The following SETD4 variants were observed in gnomAD, a reference collection of about 807,000 sequenced individuals.
SETD4 encodes the protein SET domain-containing protein 4.
In SETD4, 46 loss-of-function variants were observed where a neutral mutation model predicts 58.3. The ratio of observed to expected loss-of-function variants is 0.79; its 90% confidence interval spans 0.62 to 1.01. The LOEUF is 1.01. Among genes scored for constraint, SETD4 ranks in the 50% least tolerant of loss-of-function variants. The probability of loss-of-function intolerance (pLI) is 0.00; values close to 1 mark genes in which losing one functional copy is unlikely to be tolerated. For synonymous variants in SETD4, 190 were observed against 202.6 expected (o/e 0.94, Z 0.53); for missense variants, 490 against 523.3 (o/e 0.94, Z 0.62).
At chr21:36,057,475 T>C in intron 2 of SETD4, 2 of 588,610 alleles carry the variant, frequency 3.4e-6, no homozygotes, top group East Asian at 2.9e-5. Flanking sequence ...AAAGACCCCA[T>C]CTCTTAAAAA....
Position 36,049,511 on chromosome 21 carries a change from C to T in SETD4, c.208-1115G>A, listed in dbSNP as rs191483904. On this transcript the variant is annotated intron_variant, in intron 4 of 11. Coordinates refer to ENST00000332131, the MANE Select transcript of SETD4 (RefSeq NM_017438.5). Reference sequence around the variant, plus strand: ...CAGAGGTGGCAGTGAGCCGAGATTGCGCCACTGTACTCTAGCCTGGGCGAC... The same window carrying T: ...CAGAGGTGGCAGTGAGCCGAGATTGTGCCACTGTACTCTAGCCTGGGCGAC... 5.8e-3 allele frequency among the ~76,000 whole-genome samples: 883 copies of T among 152,198 alleles called. 6 individuals carry two copies. Among genetic ancestry groups the T allele is most frequent in the African/African-American group, 0.02 (827 of 41,514 alleles).
intron 7 of SETD4, 66 bp from the exon 8 acceptor site, chr21:36,041,954 C>T: frequency 1.2e-6 from 1 of 807,328 alleles, no homozygotes; most frequent in Non-Finnish European, 1.9e-6. Context: ...TCTCCCTTCC[C>T]TTCTCAACTC....
chr21:36,039,596 G>A (rs945287526), intron 9 of SETD4, among the ~76,000 whole-genome samples: 2 of 152,198 alleles, frequency 1.3e-5, no homozygotes, highest in African/African-American at 4.8e-5. Flanking sequence ...GAATGGGCCA[G>A]TGCGAAACCG....
intron 10 of SETD4, chr21:36,036,635 T>C (rs2063794040): frequency 1.0e-6 from 1 of 976,134 alleles, no homozygotes; most frequent in South Asian, 4.7e-5. Context: ...ATCCCAGGCA[T>C]GTTTTCATAC....
chr21:36,047,490 G>A (rs577064297), intron 5 of SETD4, among the ~76,000 whole-genome samples: 30 of 152,080 alleles, frequency 2.0e-4, no homozygotes, highest in Non-Finnish European at 4.0e-4. Flanking sequence ...TACAATAACG[G>A]TAGAAATAAG....
At position 36,041,903 on chromosome 21, in the gene SETD4, A is replaced by C. The variant is rs1001900887; in HGVS notation, c.902-15T>G. The C allele has an allele frequency of 1.5e-6, 2 of 1,375,898 alleles. No individual in the cohort carries two copies. The highest frequency in any genetic ancestry group is 2.5e-5 in the Admixed American group (1 of 39,718). 85.2% of individuals were successfully genotyped at this position (1,375,898 alleles called of 1,614,324 possible). ...AACAAGTATTTCTATATTCAAAAAA[A>C]AAAATCAGACTGTTAGGGCATAAAT... On this transcript the variant is annotated splice_polypyrimidine_tract_variant and intron_variant, in intron 7 of 11. Transcript: ENST00000332131.
At chr21:36,058,209 T>C (rs932208517) in intron 2 of SETD4, among the ~76,000 whole-genome samples, 2 of 152,108 alleles carry the variant, frequency 1.3e-5, no homozygotes, top group African/African-American at 2.4e-5. Context: ...TTAAGAAATA[T>C]TCTCTTTGGG....
chr21:36,044,118 C>G (rs983836264), intron 6 of SETD4, among the ~76,000 whole-genome samples, 162 bp from the exon 7 acceptor site: 2 of 152,216 alleles, frequency 1.3e-5, no homozygotes, highest in African/African-American at 4.8e-5. Flanking sequence ...TTTCATCCAC[C>G]TCGACTTCAC....
chr21:36,058,744 C>T lies in SETD4; in HGVS notation c.73+72G>A. On this transcript the variant is annotated intron_variant, in intron 2 of 11. Transcript: ENST00000332131. Reference sequence around the variant, plus strand: ...GAAAAAAGAAAGAAAGAAAGAAAAGCTACGTATGAACAAACAAGCAATCAC... The same window carrying T: ...GAAAAAAGAAAGAAAGAAAGAAAAGTTACGTATGAACAAACAAGCAATCAC... 2.0e-6 allele frequency: 3 copies of T among 1,469,444 alleles called. No individual in the cohort carries two copies. The South Asian group carries it at 4.0e-5, about 20-fold the overall frequency. The allele number at this position is 1,469,444 out of a possible 1,614,324, so 91.0% of individuals were successfully genotyped here.
Position 36,040,598 on chromosome 21 carries a change from C to A in SETD4, c.1041G>T (p.Leu347Phe). 1 of 1,613,880 alleles carries A rather than the reference C, an allele frequency of 6.2e-7. No homozygotes were observed. Among genetic ancestry groups the A allele is most frequent in the Non-Finnish European group, 8.5e-7 (1 of 1,179,862 alleles). ...PSWRLLTALK[L>F]LCLEAEKFTC... ...ACAATTTCTCAGCTTCCAGACATAA[C>A]AACTTAAGGGCTGTGAGTAGCCTCC... The change falls in exon 9 of 12, where the codon TTG becomes TTT. Residue 347 changes from leucine (L) to phenylalanine (F), a missense_variant. Transcript: ENST00000332131.
intron 7 of SETD4, 119 bp from the exon 8 acceptor site, chr21:36,042,007 C>T (rs1480739327): frequency 7.2e-6 from 4 of 555,090 alleles, no homozygotes; most frequent in Non-Finnish European, 1.3e-5. Context: ...TAAACAGTTC[C>T]ACCTAATTCA....
At chr21:36,047,834 C>CAAAAAAAAAAA (rs34827028) in intron 5 of SETD4, among the ~76,000 whole-genome samples, 42 of 70,700 alleles carry the variant, frequency 5.9e-4, no homozygotes, top group Admixed American at 9.2e-4. Context: ...ACTAAAAATA[C>CAAAAAAAAAAA]AAAAAAAAAA....
intron 4 of SETD4, among the ~76,000 whole-genome samples, chr21:36,051,929 G>A (rs535112106): frequency 4.0e-5 from 6 of 151,120 alleles, no homozygotes; most frequent in African/African-American, 1.5e-4. Flanking sequence ...TTTGTTTTTC[G>A]TTTTTTCCCT....
At chr21:36,042,547 A>G (rs1011255013) in intron 7 of SETD4, 3 of 152,130 alleles carry the variant, frequency 2.0e-5, no homozygotes, top group South Asian at 2.1e-4. Flanking sequence ...TTGCTTTTCT[A>G]TTTTTATTTT....
chr21:36,034,742 T>C lies in SETD4; in HGVS notation c.*1251A>G, dbSNP rs539220694. 1.3e-5 allele frequency: 2 copies of C among 152,312 alleles called. No homozygotes were observed. Among genetic ancestry groups the C allele is most frequent in the South Asian group, 2.1e-4 (1 of 4,826 alleles). 9.4% of individuals were successfully genotyped at this position (152,312 alleles called of 1,614,324 possible). On this transcript the variant is annotated 3_prime_UTR_variant, in exon 12 of 12. Coordinates refer to ENST00000332131, the MANE Select transcript of SETD4 (RefSeq NM_017438.5). Reference sequence around the variant, plus strand: ...ATGCAAATGGTTGACATGCTGCCGATGGCCGCTCTGCAGAATCGCTGGGAC... The same window carrying C: ...ATGCAAATGGTTGACATGCTGCCGACGGCCGCTCTGCAGAATCGCTGGGAC...
At chr21:36,048,751 C>G (rs1309101193) in intron 4 of SETD4, among the ~76,000 whole-genome samples, 1 of 137,576 alleles carries the variant, frequency 7.3e-6, no homozygotes, top group African/African-American at 2.8e-5. Context: ...GAGTTTTGCT[C>G]TTGTCTCCCA....
In SETD4 at chr21:36,048,459, T is replaced by C. The variant is rs551130544; in HGVS notation, c.208-63A>G. On this transcript the variant is annotated intron_variant, in intron 4 of 11. Transcript: ENST00000332131. ...TTTGGGAAGGACCCATGAGTATGAG[T>C]CTTACAAAGTCGTTGATCCCACAAT... is the stretch of plus-strand genomic sequence containing the variant. 2.7e-6 allele frequency: 4 copies of C among 1,456,142 alleles called. No homozygotes were observed. In the Admixed American group the frequency reaches 5.0e-5, roughly 18 times the overall value. 90.2% of individuals were successfully genotyped at this position (1,456,142 alleles called of 1,614,324 possible).
At position 36,045,867 on chromosome 21, in the gene SETD4, C is replaced by G. The variant is rs758942319; in HGVS notation, c.441G>C (p.Val147=). The change falls in exon 6 of 12, where the codon GTG becomes GTC. Residue 147 remains valine, a synonymous_variant. Transcript: ENST00000332131. ...TTAAAGATTTGGGAAGAAGGTTCACCACTTCCGGCTCCAAACAAACAGGGC... is the reference window on the plus strand; with the variant it reads ...TTAAAGATTTGGGAAGAAGGTTCACGACTTCCGGCTCCAAACAAACAGGGC... ...YTCPVCLEPE[V]VNLLPKSLKA... is the part of the protein sequence containing the mutation. 1 of 1,614,226 alleles carries G rather than the reference C, an allele frequency of 6.2e-7. No individual in the cohort carries two copies. Among genetic ancestry groups the G allele is most frequent in the Non-Finnish European group, 8.5e-7 (1 of 1,180,038 alleles).
intron 9 of SETD4, among the ~76,000 whole-genome samples, chr21:36,039,673 G>A (rs530894304): frequency 2.6e-5 from 4 of 152,300 alleles, no homozygotes; most frequent in African/African-American, 9.6e-5. Context: ...AGTGAACAAG[G>A]AAAAGAAGGA....
Sources: allele counts gnomAD v4.1 joint callset (sites outside exome capture counted in the v4.1 genomes callset), GRCh38; gene constraint gnomAD v4.1.1; transcripts MANE v1.5; gene names NCBI Gene and HGNC (gene_info 2026-07-23, HGNC 2026-07-21).